Variants in FIS1 observed in about 807,000 individuals in gnomAD.
The protein encoded by FIS1 is mitochondrial fission 1 protein.
In FIS1, 16 loss-of-function variants were observed where a neutral mutation model predicts 21.6. That is an observed-to-expected ratio of 0.74 (90% confidence interval 0.50 to 1.12). The LOEUF is 1.12. Ranked by LOEUF, FIS1 falls within the 50% of genes most tolerant of loss-of-function variation. The pLI is 0.00. For synonymous variants in FIS1, 92 were observed against 82.2 expected, an observed-to-expected ratio of 1.12 and a Z score of -0.65; for missense variants, 198 against 190.9, an observed-to-expected ratio of 1.04 and a Z score of -0.22.
intron 1 of FIS1, 62 bp downstream of exon 1, chr7:101,244,898 C>G (rs1271612564): frequency 1.2e-6 from 2 of 1,601,970 alleles, no homozygotes; most frequent in Non-Finnish European, 1.7e-6. Flanking sequence ...CGGCCCCTAC[C>G]TGACTCTCCT....
At position 101,240,599 on chromosome 7, in the gene FIS1, A is replaced by G. The variant is rs567038266; in HGVS notation, c.255+231T>C. On this transcript the variant is annotated intron_variant, in intron 3 of 4. Coordinates refer to ENST00000223136, the MANE Select transcript of FIS1 (RefSeq NM_016068.3). ...GGAGTAGAGTCCACAAACAACCCCA[A>G]CTCTGCGGGAGATAACAGCGCAAGG... Among the ~76,000 whole-genome samples the G allele has an allele frequency of 9.9e-5, 15 of 151,816 alleles. 1 individual carries two copies. The South Asian group carries it at 1.3e-3, about 13-fold the overall frequency.
intron 4 of FIS1, 85 bp from the exon 5 acceptor site, chr7:101,239,988 G>A: frequency 3.5e-6 from 5 of 1,437,580 alleles, no homozygotes; most frequent in Non-Finnish European, 4.8e-6. Context: ...CCCCTCAACA[G>A]AGGCACACCC....
chr7:101,240,529 C>A (rs991416780), intron 3 of FIS1, among the ~76,000 whole-genome samples: 2 of 152,136 alleles, frequency 1.3e-5, no homozygotes, highest in Non-Finnish European at 2.9e-5. Flanking sequence ...CCTGGGGGCT[C>A]CTCCCTCGAC....
At chr7:101,242,549 C>T (rs568415027) in intron 2 of FIS1, among the ~76,000 whole-genome samples, 5 of 142,740 alleles carry the variant, frequency 3.5e-5, no homozygotes, top group Non-Finnish European at 7.5e-5. Flanking sequence ...AGTGCAATGG[C>T]GTGATCTTGG....
chr7:101,240,350 C>T (rs1423891616), intron 3 of FIS1, 103 bp from the exon 4 acceptor site: 27 of 1,148,106 alleles, frequency 2.4e-5, no homozygotes, highest in Admixed American at 1.5e-4. Context: ...CCACGCTGGA[C>T]GGCAGCGTCG....
At chr7:101,244,270 T>A (rs1798785305) in intron 1 of FIS1, 131 bp from the exon 2 acceptor site, 2 of 1,241,018 alleles carry the variant, frequency 1.6e-6, no homozygotes, top group Admixed American at 5.5e-5. Context: ...GCTTCTGCTA[T>A]CTCCATGCCC....
At position 101,240,866 on chromosome 7, in the gene FIS1, G is replaced by A. The variant is rs917080940; in HGVS notation, c.219C>T (p.Tyr73=). The A allele has an allele frequency of 9.9e-6, 16 of 1,614,006 alleles. No homozygotes were observed. Among genetic ancestry groups the A allele is most frequent in the Non-Finnish European group, 1.4e-5 (16 of 1,180,052 alleles). ...AGTTCCCCACGGCCAGGTAGAAGACGTAATCCCGCTGTTCCTCCTTGCTCC... is the reference window on the plus strand; with the variant it reads ...AGTTCCCCACGGCCAGGTAGAAGACATAATCCCGCTGTTCCTCCTTGCTCC... ...PKGSKEEQRD[Y]VFYLAVGNYR... is the part of the protein sequence containing the mutation. The change falls in exon 3 of 5, where the codon TAC becomes TAT. Residue 73 remains tyrosine (Y), a synonymous_variant. Transcript: ENST00000223136.
chr7:101,244,668 G>A (rs1393927701), intron 1 of FIS1: 2 of 528,846 alleles, frequency 3.8e-6, no homozygotes, highest in Admixed American at 3.3e-5. Context: ...CGCTGGAGGA[G>A]CGCCCTGAGC....
At position 101,240,875 on chromosome 7, in the gene FIS1, C is replaced by T. The variant is rs775838689; in HGVS notation, c.210G>A (p.Gln70=). 2 of 1,614,032 alleles carry T rather than the reference C, an allele frequency of 1.2e-6. No homozygotes were observed. Among genetic ancestry groups the T allele is most frequent in the Non-Finnish European group, 1.7e-6 (2 of 1,180,052 alleles). The change falls in exon 3 of 5, where the codon CAG becomes CAA. Residue 70 remains glutamine (Q), a synonymous_variant. Transcript: ENST00000223136. ...CGGCCAGGTAGAAGACGTAATCCCG[C>T]TGTTCCTCCTTGCTCCCTTTGGGCA... ...ELLPKGSKEE[Q]RDYVFYLAVG...
intron 2 of FIS1, among the ~76,000 whole-genome samples, chr7:101,242,366 G>C (rs1258621510): frequency 6.6e-6 from 1 of 152,186 alleles, no homozygotes; most frequent in South Asian, 2.1e-4. Context: ...AACACTTAGA[G>C]AGGCTGTTTC....
intron 4 of FIS1, 101 bp downstream of exon 4, chr7:101,240,041 G>A: frequency 6.9e-7 from 1 of 1,448,346 alleles, no homozygotes; most frequent in Non-Finnish European, 9.6e-7. Flanking sequence ...AACTGGAAGG[G>A]GTGGGGCTGA....
In FIS1 at chr7:101,244,149, G is replaced by A. The variant is rs1485091786; in HGVS notation, c.46-10C>T. On this transcript the variant is annotated splice_polypyrimidine_tract_variant and intron_variant, in intron 1 of 4. Coordinates refer to ENST00000223136, the MANE Select transcript of FIS1 (RefSeq NM_016068.3). Reference sequence around the variant, plus strand: ...ATTTCTTTTCAAACTTCTGCCACAGGGGAGGAAAGGAATCATTTAGAAATG... The same window carrying A: ...ATTTCTTTTCAAACTTCTGCCACAGAGGAGGAAAGGAATCATTTAGAAATG... 2 of 1,612,014 alleles carry A rather than the reference G, an allele frequency of 1.2e-6. No homozygotes were observed. Among genetic ancestry groups the A allele is most frequent in the Admixed American group, 1.7e-5 (1 of 59,854 alleles).
Position 101,239,774 on chromosome 7 carries a change from T to C in FIS1, c.*32A>G. 1 of 1,540,868 alleles carries C rather than the reference T, an allele frequency of 6.5e-7. No homozygotes were observed. Among genetic ancestry groups the C allele is most frequent in the South Asian group, 1.2e-5 (1 of 84,730 alleles). On this transcript the variant is annotated 3_prime_UTR_variant, in exon 5 of 5. Transcript: ENST00000223136. ...GACAGCGAGGATGGACAGGCCCTCC[T>C]GGAGCGTTCTCCGTGGGCTCCCGCG... is the stretch of plus-strand genomic sequence containing the variant.
intron 2 of FIS1, 106 bp from the exon 3 acceptor site, chr7:101,241,012 G>A: frequency 9.0e-7 from 1 of 1,109,710 alleles, no homozygotes; most frequent in Non-Finnish European, 1.3e-6. Context: ...TGTGATCCTG[G>A]GAGGGTCACA....
At chr7:101,244,877 G>A (rs767452061) in intron 1 of FIS1, 83 bp downstream of exon 1, 2 of 1,552,236 alleles carry the variant, frequency 1.3e-6, no homozygotes, top group African/African-American at 1.4e-5. Context: ...GCCGATGCCG[G>A]GAGGAGGGTT....
intron 1 of FIS1, 64 bp downstream of exon 1, chr7:101,244,896 A>G (rs1221355870): frequency 5.0e-6 from 8 of 1,594,558 alleles, no homozygotes; most frequent in Non-Finnish European, 5.2e-6. Context: ...TTCGGCCCCT[A>G]CCTGACTCTC....
chr7:101,244,579 G>A lies in FIS1; in HGVS notation c.45+381C>T, dbSNP rs182928723. ...TACCTCCTAGAGCTACAAAGACTGA[G>A]ATCTGGCATGCGATGCCTTAGCACC... On this transcript the variant is annotated intron_variant, in intron 1 of 4. Coordinates refer to ENST00000223136, the MANE Select transcript of FIS1 (RefSeq NM_016068.3). The A allele has an allele frequency of 3.3e-5, 12 of 366,410 alleles. No individual in the cohort carries two copies. The East Asian group carries it at 6.1e-4, about 19-fold the overall frequency. 22.7% of individuals were successfully genotyped at this position (366,410 alleles called of 1,614,324 possible).
chr7:101,244,134 A>G lies in FIS1; in HGVS notation c.51T>C (p.Phe17=). The G allele has an allele frequency of 6.2e-7, 1 of 1,613,306 alleles. No individual in the cohort carries two copies. Among genetic ancestry groups the G allele is most frequent in the South Asian group, 1.1e-5 (1 of 91,004 alleles). ...ELVSVEDLLK[F]EKKFQSEKAA... ...CCTTCTCAGACTGAAATTTCTTTTC[A>G]AACTTCTGCCACAGGGGAGGAAAGG... Residue 17 remains phenylalanine (F), a synonymous_variant, in exon 2 of 5, where the codon TTT becomes TTC. Coordinates refer to ENST00000223136, the MANE Select transcript of FIS1 (RefSeq NM_016068.3).
rs1427155843 is a variant in FIS1, at chr7:101,244,159, G to T, written c.46-20C>A. 1.2e-6 allele frequency: 2 copies of T among 1,609,518 alleles called. No homozygotes were observed. Among genetic ancestry groups the T allele is most frequent in the Admixed American group, 3.3e-5 (2 of 59,758 alleles). ...AAACTTCTGCCACAGGGGAGGAAAG[G>T]AATCATTTAGAAATGTAGGGCGTCA... On this transcript the variant is annotated intron_variant, in intron 1 of 4. Transcript: ENST00000223136.
Sources: allele counts gnomAD v4.1 joint callset (sites outside exome capture counted in the v4.1 genomes callset), GRCh38; gene constraint gnomAD v4.1.1; transcripts MANE v1.5; gene names NCBI Gene and HGNC (gene_info 2026-07-23, HGNC 2026-07-21).